Variants in SLX9 observed in about 807,000 individuals in gnomAD.
SLX9 encodes SLX9 ribosome biogenesis factor.
A neutral mutation model predicts 20.8 loss-of-function variants in SLX9; 19 were observed. The observed-to-expected ratio is 0.91, with a 90% CI of 0.64 to 1.34. The LOEUF is 1.34. Ranked by LOEUF, SLX9 falls within the 40% of genes most tolerant of loss-of-function variation. The pLI is 0.00. For missense variants in SLX9, 299 were observed against 322.2 expected (o/e 0.93, Z 0.55); for synonymous variants, 113 against 137.1 (o/e 0.82, Z 1.23).
chr21:44,951,939 T>TG (rs2084766065), intron 2 of SLX9, among the ~76,000 whole-genome samples: 1 of 148,816 alleles, frequency 6.7e-6, no homozygotes. Flanking sequence ...GGGCTGCACC[T>TG]GTGCCTGAGG....
chr21:44,976,158 GC>G (rs1173320419), intron 5 of SLX9, among the ~76,000 whole-genome samples: 2 of 152,272 alleles, frequency 1.3e-5, no homozygotes, highest in East Asian at 3.8e-4. Context: ...TAGAGCAGGA[GC>G]TGAGTGGCCG....
chr21:44,973,832 G>T (rs1568948596), intron 5 of SLX9, among the ~76,000 whole-genome samples: 1 of 152,208 alleles, frequency 6.6e-6, no homozygotes, highest in Non-Finnish European at 1.5e-5. Context: ...GCTCCAGGGG[G>T]GCTTTTCAGT....
chr21:44,961,854 A>G (rs553483162), intron 3 of SLX9, among the ~76,000 whole-genome samples: 3 of 152,210 alleles, frequency 2.0e-5, no homozygotes, highest in South Asian at 2.1e-4. Flanking sequence ...ATCTGTTTGT[A>G]TATGTTTTGT....
intron 2 of SLX9, among the ~76,000 whole-genome samples, chr21:44,950,829 G>C (rs907534658): frequency 3.9e-5 from 6 of 152,086 alleles, no homozygotes; most frequent in Non-Finnish European, 8.8e-5. Context: ...GGGTTTCTGC[G>C]ATCAGCTCCT....
chr21:44,940,672 A>ATT (rs34771024), intron 1 of SLX9, among the ~76,000 whole-genome samples: 53,364 of 145,560 alleles, frequency 0.37, 11,707 homozygotes, highest in South Asian at 0.61. Flanking sequence ...TGCTTTCAGG[A>ATT]TTTTTTTTTT....
chr21:44,960,002 G>A (rs537960728), intron 2 of SLX9, 98 bp from the exon 3 acceptor site: 2 of 1,035,604 alleles, frequency 1.9e-6, no homozygotes, highest in East Asian at 2.4e-5. Context: ...TGCAGTGACT[G>A]TGGCAGCTCT....
chr21:44,975,214 C>T (rs964377236), intron 5 of SLX9, among the ~76,000 whole-genome samples: 2 of 152,200 alleles, frequency 1.3e-5, no homozygotes, highest in Non-Finnish European at 2.9e-5. Context: ...AGAGTGTTCC[C>T]CTCCCTGGGT....
At chr21:44,963,652 A>G (rs1458014438) in intron 3 of SLX9, among the ~76,000 whole-genome samples, 2 of 151,626 alleles carry the variant, frequency 1.3e-5, no homozygotes, top group Non-Finnish European at 2.9e-5. Flanking sequence ...TTCCAGCACC[A>G]TTTGTTATAA....
chr21:44,959,065 A>G (rs2084908880), intron 2 of SLX9: 4 of 260,770 alleles, frequency 1.5e-5, no homozygotes, highest in Admixed American at 1.3e-4. Flanking sequence ...AAAGTAGGTC[A>G]ACCCAGGCAC....
At chr21:44,972,041 T>C (rs1391846813) in intron 4 of SLX9, among the ~76,000 whole-genome samples, 3 of 152,198 alleles carry the variant, frequency 2.0e-5, no homozygotes. Flanking sequence ...TGCTGAGGGC[T>C]ATTTTGGGCA....
chr21:44,959,140 G>A, intron 2 of SLX9: 3 of 903,486 alleles, frequency 3.3e-6, no homozygotes, highest in Non-Finnish European at 4.0e-6. Context: ...TTTCACACCG[G>A]CTCCTGAAGT....
At chr21:44,940,217 C>T in intron 1 of SLX9, 31 bp downstream of exon 1, 1 of 1,217,232 alleles carries the variant, frequency 8.2e-7, no homozygotes, top group Non-Finnish European at 1.0e-6. Context: ...CCGGGGGCTG[C>T]CGCGTGGGTC....
chr21:44,956,837 G>A (rs1299081774), intron 2 of SLX9, among the ~76,000 whole-genome samples: 3 of 152,230 alleles, frequency 2.0e-5, no homozygotes, highest in Non-Finnish European at 4.4e-5. Flanking sequence ...CGGCACAGGC[G>A]TGCTGTGTAG....
chr21:44,940,304 T>C (rs1402610659), intron 1 of SLX9, 118 bp downstream of exon 1: 1 of 1,171,958 alleles, frequency 8.5e-7, no homozygotes, highest in Admixed American at 4.5e-5. Flanking sequence ...TCTGCGGGCA[T>C]TTGCTGCGCT....
intron 2 of SLX9, among the ~76,000 whole-genome samples, chr21:44,955,130 G>A (rs1208471741): frequency 1.3e-5 from 2 of 151,896 alleles, no homozygotes; most frequent in African/African-American, 4.8e-5. Context: ...GCAGGAGAAT[G>A]GCTTGAACCC....
chr21:44,944,050 A>G (rs989788019), intron 2 of SLX9, among the ~76,000 whole-genome samples: 2 of 152,218 alleles, frequency 1.3e-5, no homozygotes, highest in Admixed American at 6.5e-5. Flanking sequence ...GCAGCTCTGC[A>G]AGAACTGCTC....
intron 2 of SLX9, among the ~76,000 whole-genome samples, chr21:44,950,134 A>G (rs562595218): frequency 1.3e-5 from 2 of 151,212 alleles, no homozygotes; most frequent in East Asian, 3.9e-4. Flanking sequence ...GGAAAATGGC[A>G]GAAAATGAGC....
chr21:44,945,275 A>T (rs1012441438), intron 2 of SLX9, among the ~76,000 whole-genome samples: 1 of 152,224 alleles, frequency 6.6e-6, no homozygotes, highest in Admixed American at 6.5e-5. Context: ...AGGTAACTCC[A>T]GAGAGAAGCT....
chr21:44,939,918 C>T, upstream of SLX9: 4 of 881,544 alleles, frequency 4.5e-6, no homozygotes, highest in Non-Finnish European at 6.3e-6. Context: ...CGCGACCCTG[C>T]GCCCGCCCGA....
Sources: gnomAD v4.1 joint callset for allele counts (sites outside exome capture counted in the v4.1 genomes callset) on GRCh38, gnomAD v4.1.1 for gene constraint, MANE v1.5 for transcripts, NCBI Gene and HGNC (gene_info 2026-07-23, HGNC 2026-07-21) for gene names.